Variants in PRKCB observed in about 807,000 individuals in gnomAD.
PRKCB encodes the protein protein kinase C beta.
PRKCB carries 13 observed loss-of-function variants against 81.5 expected under a neutral mutation model. The ratio of observed to expected loss-of-function variants is 0.16; its 90% CI spans 0.10 to 0.25. The LOEUF (loss-of-function observed/expected upper bound fraction) is 0.25. Among genes scored for constraint, PRKCB ranks in the 10% least tolerant of loss-of-function variants. The pLI is 1.00. For synonymous variants in PRKCB, 335 were observed against 321.4 expected (o/e 1.04, Z -0.45); for missense variants, 509 against 875.7 (o/e 0.58, Z 5.29).
chr16:23,854,520 G>T (rs1448756067), intron 2 of PRKCB, among the ~76,000 whole-genome samples: 2 of 152,126 alleles, frequency 1.3e-5, no homozygotes, highest in Non-Finnish European at 1.5e-5. Flanking sequence ...GACAACTGGG[G>T]CCTCTCTTCA....
chr16:23,964,197 T>C (rs1596489533), intron 2 of PRKCB, among the ~76,000 whole-genome samples: 2 of 152,374 alleles, frequency 1.3e-5, no homozygotes, highest in African/African-American at 2.4e-5. Context: ...TCATGGCTGA[T>C]GTAGCTGGCA....
intron 2 of PRKCB, among the ~76,000 whole-genome samples, chr16:23,945,510 C>G (rs1964194501): frequency 6.6e-6 from 1 of 152,186 alleles, no homozygotes; most frequent in Non-Finnish European, 1.5e-5. Context: ...CGATAGGGGC[C>G]CAATAAGTAC....
intron 7 of PRKCB, among the ~76,000 whole-genome samples, 157 bp downstream of exon 7, chr16:24,094,454 G>T (rs1369312447): frequency 6.6e-6 from 1 of 152,126 alleles, no homozygotes; most frequent in Non-Finnish European, 1.5e-5. Flanking sequence ...TGTTTTGTTT[G>T]GTCCTTGTAC....
chr16:23,996,978 G>C (rs1964965870), intron 3 of PRKCB, among the ~76,000 whole-genome samples: 1 of 152,072 alleles, frequency 6.6e-6, no homozygotes, highest in South Asian at 2.1e-4. Context: ...AATGGGAGTG[G>C]TACCACTCAT....
chr16:24,158,021 G>A (rs769774718), intron 10 of PRKCB, among the ~76,000 whole-genome samples: 2 of 152,278 alleles, frequency 1.3e-5, no homozygotes, highest in Non-Finnish European at 2.9e-5. Flanking sequence ...GTCCAAGGAT[G>A]GAACAGATTG....
intron 5 of PRKCB, among the ~76,000 whole-genome samples, chr16:24,046,248 GT>G (rs1965763142): frequency 6.6e-6 from 1 of 152,174 alleles, no homozygotes; most frequent in Non-Finnish European, 1.5e-5. Context: ...GATTACAAAG[GT>G]TTTGCATGGG....
Position 24,218,554 on chromosome 16 carries a change from G to T in PRKCB, c.*3738G>T. 1.0e-6 allele frequency: 1 copy of T among 985,372 alleles called. No individual in the cohort carries two copies. The highest frequency in any genetic ancestry group is 1.2e-6 in the Non-Finnish European group (1 of 829,936). The allele number at this position is 985,372 out of a possible 1,614,324, so 61.0% of individuals were successfully genotyped here. On this transcript the variant is annotated 3_prime_UTR_variant, in exon 17 of 17. Coordinates refer to ENST00000643927, the MANE Select transcript of PRKCB (RefSeq NM_002738.7). Reference sequence around the variant, plus strand: ...CATAGACTTGGCAAGAGTAAGGAGGGAACTCCATAGAGACATTTTACCTAT... The same window carrying T: ...CATAGACTTGGCAAGAGTAAGGAGGTAACTCCATAGAGACATTTTACCTAT...
At chr16:24,162,613 T>A (rs1036339569) in intron 10 of PRKCB, among the ~76,000 whole-genome samples, 5 of 151,948 alleles carry the variant, frequency 3.3e-5, no homozygotes, top group African/African-American at 1.2e-4. Flanking sequence ...CAAGCCTGAC[T>A]AATTTTTTAA....
At chr16:24,087,177 G>A (rs1233681154) in intron 5 of PRKCB, among the ~76,000 whole-genome samples, 2 of 152,152 alleles carry the variant, frequency 1.3e-5, no homozygotes, top group Non-Finnish European at 2.9e-5. Context: ...ATGAGGAAAT[G>A]CAACATTGAC....
intron 9 of PRKCB, among the ~76,000 whole-genome samples, chr16:24,140,055 G>A (rs568026311): frequency 1.1e-4 from 16 of 152,270 alleles, no homozygotes; most frequent in African/African-American, 3.1e-4. Context: ...TAGACTGCTG[G>A]CTTCCTCTTT....
chr16:23,997,453 A>G (rs1156763229), intron 3 of PRKCB, among the ~76,000 whole-genome samples: 1 of 152,230 alleles, frequency 6.6e-6, no homozygotes, highest in Non-Finnish European at 1.5e-5. Flanking sequence ...TGCCCACTGA[A>G]GGTAAAGGGA....
At chr16:24,096,623 G>A (rs1966442513) in intron 7 of PRKCB, among the ~76,000 whole-genome samples, 1 of 134,244 alleles carries the variant, frequency 7.4e-6, no homozygotes, top group Non-Finnish European at 1.6e-5. Flanking sequence ...CCTTTGTCCT[G>A]AAGATTTTAT....
At chr16:24,052,820 C>T (rs1567358014) in intron 5 of PRKCB, among the ~76,000 whole-genome samples, 1 of 152,186 alleles carries the variant, frequency 6.6e-6, no homozygotes, top group Non-Finnish European at 1.5e-5. Context: ...TCTTTGTGAC[C>T]TGTACCTTGT....
intron 2 of PRKCB, among the ~76,000 whole-genome samples, chr16:23,904,529 T>G (rs1963527563): frequency 6.6e-6 from 1 of 151,994 alleles, no homozygotes; most frequent in Non-Finnish European, 1.5e-5. Flanking sequence ...CAGACATGGT[T>G]GTGGGTGCCT....
chr16:24,185,974 G>A (rs1489938456), intron 15 of PRKCB, among the ~76,000 whole-genome samples: 1 of 152,230 alleles, frequency 6.6e-6, no homozygotes, highest in East Asian at 1.9e-4. Context: ...AATACTAAGA[G>A]CGTGCAACTT....
chr16:24,106,117 A>C (rs28641888), intron 7 of PRKCB, among the ~76,000 whole-genome samples: 1 of 79,218 alleles, frequency 1.3e-5, no homozygotes, highest in African/African-American at 5.4e-5. Context: ...AGCAAAAAAC[A>C]AAAAACAAAA....
chr16:24,048,757 C>T (rs1965798180), intron 5 of PRKCB, among the ~76,000 whole-genome samples: 1 of 152,110 alleles, frequency 6.6e-6, no homozygotes, highest in Admixed American at 6.5e-5. Flanking sequence ...GCTGGGATTA[C>T]AGGTGTGAGT....
intron 2 of PRKCB, among the ~76,000 whole-genome samples, chr16:23,889,696 T>C (rs1963261093): frequency 6.6e-6 from 1 of 152,236 alleles, no homozygotes; most frequent in Non-Finnish European, 1.5e-5. Flanking sequence ...CTTTGAGTTA[T>C]GGCTGCTCTA....
chr16:23,836,639 C>G (rs1235614531), intron 1 of PRKCB, among the ~76,000 whole-genome samples: 1 of 151,952 alleles, frequency 6.6e-6, no homozygotes, highest in Non-Finnish European at 1.5e-5. Flanking sequence ...TTTGCTCCAC[C>G]TGACTAGGAG....
Sources: gnomAD v4.1 joint callset for allele counts (sites outside exome capture counted in the v4.1 genomes callset) on GRCh38, gnomAD v4.1.1 for gene constraint, MANE v1.5 for transcripts, NCBI Gene and HGNC (gene_info 2026-07-23, HGNC 2026-07-21) for gene names.